Variants in LRRC38 observed in about 807,000 individuals in gnomAD.
LRRC38 encodes the protein leucine-rich repeat-containing protein 38.
LRRC38 carries 5 observed loss-of-function variants against 16.4 expected under a neutral mutation model. The observed-to-expected ratio is 0.31, with a 90% CI of 0.16 to 0.64. The LOEUF (loss-of-function observed/expected upper bound fraction) is 0.64, where lower values mean the gene tolerates loss of function less well. Ranked by LOEUF, LRRC38 falls within the 30% of genes least tolerant of loss-of-function variation. LRRC38 has a pLI of 0.80. For missense variants in LRRC38, 341 were observed against 401.8 expected, an observed-to-expected ratio of 0.85 and a Z score of 1.29; for synonymous variants, 191 against 190.2, an observed-to-expected ratio of 1.00 and a Z score of -0.04.
At chr1:13,476,448 C>T (rs376001975) in intron 1 of LRRC38, among the ~76,000 whole-genome samples, 24 of 152,228 alleles carry the variant, frequency 1.6e-4, no homozygotes, top group African/African-American at 4.8e-4. Flanking sequence ...CCTGCCTCAG[C>T]CTCCCAAGTA....
intron 1 of LRRC38, among the ~76,000 whole-genome samples, chr1:13,491,276 G>A (rs1421347713): frequency 6.6e-6 from 1 of 152,204 alleles, no homozygotes; most frequent in East Asian, 1.9e-4. Context: ...CAGCAGCCGT[G>A]CTGAGCATCA....
At chr1:13,489,923 G>A (rs940787334) in intron 1 of LRRC38, among the ~76,000 whole-genome samples, 3 of 152,086 alleles carry the variant, frequency 2.0e-5, no homozygotes, top group Non-Finnish European at 4.4e-5. Flanking sequence ...GGCTTGTCCT[G>A]GCTCCACAGA....
chr1:13,494,398 CTTTT>C (rs34023623), intron 1 of LRRC38, among the ~76,000 whole-genome samples: 5,273 of 123,972 alleles, frequency 0.043, 282 homozygotes, highest in African/African-American at 0.14. Context: ...CTGTGCTAGA[CTTTT>C]TTTTTTTTTT....
chr1:13,505,145 G>A lies in LRRC38; in HGVS notation c.631+7818C>T, dbSNP rs140828168. 3.3e-3 allele frequency among the ~76,000 whole-genome samples: 507 copies of A among 152,264 alleles called. 3 individuals are homozygous for A. Among genetic ancestry groups the A allele is most frequent in the Non-Finnish European group, 5.2e-3 (353 of 68,016 alleles). On this transcript the variant is annotated intron_variant, in intron 1 of 1. Transcript: ENST00000376085. Reference sequence around the variant, plus strand: ...GAGTTAAACTGAGACCTGTGGCCTCGGCATCCTGAACTCTGTCCATCAGCC... The same window carrying A: ...GAGTTAAACTGAGACCTGTGGCCTCAGCATCCTGAACTCTGTCCATCAGCC...
At chr1:13,498,280 G>A (rs1441010746) in intron 1 of LRRC38, among the ~76,000 whole-genome samples, 5 of 151,850 alleles carry the variant, frequency 3.3e-5, no homozygotes, top group African/African-American at 1.2e-4. Flanking sequence ...TTGTGTTTTA[G>A]CGCTTATTTC....
Position 13,501,688 on chromosome 1 carries a change from G to A in LRRC38, c.631+11275C>T, listed in dbSNP as rs553312799. Among the ~76,000 whole-genome samples the A allele has an allele frequency of 3.4e-5, 5 of 146,478 alleles. No individual in the cohort carries two copies. The South Asian group carries it at 8.5e-4, about 25-fold the overall frequency. On this transcript the variant is annotated intron_variant, in intron 1 of 1. Coordinates refer to ENST00000376085, the MANE Select transcript of LRRC38 (RefSeq NM_001010847.2). ...GGCTCACTGCAACTTCCAACTCCCAGGTTCAAGCAATTCTCCTGCCTCAGC... is the reference window on the plus strand; with the variant it reads ...GGCTCACTGCAACTTCCAACTCCCAAGTTCAAGCAATTCTCCTGCCTCAGC...
At chr1:13,502,006 C>A (rs1639156523) in intron 1 of LRRC38, among the ~76,000 whole-genome samples, 1 of 151,836 alleles carries the variant, frequency 6.6e-6, no homozygotes, top group African/African-American at 2.4e-5. Flanking sequence ...TGGCTCACTG[C>A]AAGCCCCACC....
At chr1:13,506,085 C>A (rs546445824) in intron 1 of LRRC38, among the ~76,000 whole-genome samples, 1 of 152,192 alleles carries the variant, frequency 6.6e-6, no homozygotes, top group East Asian at 1.9e-4. Context: ...TCAGACGTGA[C>A]CTGTAACGTC....
chr1:13,477,027 C>T (rs887752249), intron 1 of LRRC38, among the ~76,000 whole-genome samples: 4 of 152,136 alleles, frequency 2.6e-5, no homozygotes, highest in Non-Finnish European at 5.9e-5. Context: ...ATCACTTGAA[C>T]CCAGGAGGCA....
chr1:13,513,312 C>CT lies in LRRC38; in HGVS notation c.281_282insA (p.Leu95AlafsTer40). 1 of 1,550,720 alleles carries CT rather than the reference C, an allele frequency of 6.4e-7. No individual in the cohort carries two copies. On this transcript the variant is annotated frameshift_variant, in exon 1 of 2. Coordinates refer to ENST00000376085, the MANE Select transcript of LRRC38 (RefSeq NM_001010847.2). LOFTEE classifies it high-confidence loss of function. ...AGCCGCTGAACGTGCCCTCCTCCAG[C>CT]GAGCGCAGCGAGTTGTTCCTGAAGT...
At position 13,480,542 on chromosome 1, in the gene LRRC38, C is replaced by T. The variant is rs541071790; in HGVS notation, c.632-4443G>A. On this transcript the variant is annotated intron_variant, in intron 1 of 1. Transcript: ENST00000376085. ...GATATGGTTTGGCTGTGTCCTCACC[C>T]AAATCTCACCTTGAATTGTAATAAT... 2.0e-5 allele frequency among the ~76,000 whole-genome samples: 3 copies of T among 152,260 alleles called. No individual in the cohort carries two copies. The East Asian group carries it at 5.8e-4, about 29-fold the overall frequency.
At chr1:13,509,524 G>A (rs1639251856) in intron 1 of LRRC38, among the ~76,000 whole-genome samples, 1 of 152,134 alleles carries the variant, frequency 6.6e-6, no homozygotes, top group Non-Finnish European at 1.5e-5. Context: ...GACAGCAAGT[G>A]TAAAGTCCTT....
In LRRC38 at chr1:13,513,931, C is replaced by T. The variant is rs1370666562; in HGVS notation, c.-338G>A. 6.6e-6 allele frequency: 1 copy of T among 151,862 alleles called. No homozygotes were observed. Among genetic ancestry groups the T allele is most frequent in the Non-Finnish European group, 1.5e-5 (1 of 68,124 alleles). The allele number at this position is 151,862 out of a possible 1,614,324, so 9.4% of individuals were successfully genotyped here. ...GAGTGGCCGTCGCCAAAACGCGGCCCCACCCTGGCAGCTGATTTCCGAGAT... is the reference window on the plus strand; with the variant it reads ...GAGTGGCCGTCGCCAAAACGCGGCCTCACCCTGGCAGCTGATTTCCGAGAT... On this transcript the variant is annotated 5_prime_UTR_variant, in exon 1 of 2. Coordinates refer to ENST00000376085, the MANE Select transcript of LRRC38 (RefSeq NM_001010847.2).
At chr1:13,511,054 T>C (rs962936390) in intron 1 of LRRC38, among the ~76,000 whole-genome samples, 13 of 152,168 alleles carry the variant, frequency 8.5e-5, no homozygotes, top group African/African-American at 3.1e-4. Context: ...GACAAAGCCA[T>C]ACCCCCAAAC....
chr1:13,490,193 G>C (rs893018803), intron 1 of LRRC38, among the ~76,000 whole-genome samples: 4 of 152,128 alleles, frequency 2.6e-5, no homozygotes, highest in African/African-American at 9.7e-5. Context: ...GTCTCACTCT[G>C]TCGCCCAGGC....
intron 1 of LRRC38, among the ~76,000 whole-genome samples, chr1:13,478,221 G>A (rs373484069): frequency 8.5e-5 from 13 of 152,198 alleles, no homozygotes; most frequent in African/African-American, 2.9e-4. Context: ...ATCTGGAAGA[G>A]AAGAGAAAAA....
At chr1:13,503,306 A>G (rs964117669) in intron 1 of LRRC38, among the ~76,000 whole-genome samples, 2 of 152,128 alleles carry the variant, frequency 1.3e-5, no homozygotes, top group African/African-American at 4.8e-5. Context: ...TCACTCTGTC[A>G]CCCAGGCTGG....
intron 1 of LRRC38, 143 bp downstream of exon 1, chr1:13,512,820 A>G (rs1639288591): frequency 2.4e-6 from 2 of 845,056 alleles, no homozygotes; most frequent in Admixed American, 5.8e-5. Flanking sequence ...CCACTTCCCC[A>G]GCAGAGACCC....
At chr1:13,498,103 T>C (rs1001120288) in intron 1 of LRRC38, among the ~76,000 whole-genome samples, 17 of 152,250 alleles carry the variant, frequency 1.1e-4, no homozygotes, top group Admixed American at 9.8e-4. Flanking sequence ...TTGCATTCTA[T>C]TTCTATCAGG....
Sources: allele counts gnomAD v4.1 joint callset (sites outside exome capture counted in the v4.1 genomes callset), GRCh38; gene constraint gnomAD v4.1.1; transcripts MANE v1.5; gene names NCBI Gene and HGNC (gene_info 2026-07-23, HGNC 2026-07-21).